The following ARHGAP15 variants were observed in gnomAD, a reference collection of about 807,000 sequenced individuals.
ARHGAP15 encodes the protein Rho GTPase activating protein 15, also known as rho GTPase-activating protein 15.
A neutral mutation model predicts 63.7 loss-of-function variants in ARHGAP15; 51 were observed. The ratio of observed to expected loss-of-function variants is 0.80; its 90% confidence interval spans 0.64 to 1.01. The LOEUF is 1.01. Among genes scored for constraint, ARHGAP15 ranks in the 50% least tolerant of loss-of-function variants. The pLI is 0.00. For synonymous variants in ARHGAP15, 191 were observed against 193.8 expected (o/e 0.99, Z 0.12); for missense variants, 560 against 564.6 (o/e 0.99, Z 0.08).
At chr2:143,626,540 A>C (rs1376266369) in intron 12 of ARHGAP15, among the ~76,000 whole-genome samples, 1 of 152,142 alleles carries the variant, frequency 6.6e-6, no homozygotes, top group Non-Finnish European at 1.5e-5. Context: ...AAGCTTCCAC[A>C]GCATGGAAGG....
chr2:143,756,972 CT>C (rs1419170637), intron 13 of ARHGAP15, among the ~76,000 whole-genome samples: 1 of 151,898 alleles, frequency 6.6e-6, no homozygotes, highest in Admixed American at 6.5e-5. Context: ...ATCTTAGCTA[CT>C]TGCAGAAAAT....
At chr2:143,395,582 C>T (rs1348524534) in intron 6 of ARHGAP15, among the ~76,000 whole-genome samples, 1 of 152,054 alleles carries the variant, frequency 6.6e-6, no homozygotes, top group Non-Finnish European at 1.5e-5. Context: ...AGGCTGTCTC[C>T]AGCAGTATCT....
At chr2:143,293,170 G>T (rs1335856487) in intron 6 of ARHGAP15, among the ~76,000 whole-genome samples, 1 of 151,896 alleles carries the variant, frequency 6.6e-6, no homozygotes, top group African/African-American at 2.4e-5. Context: ...CACCCTCTTG[G>T]ACACTTTATT....
chr2:143,481,302 A>G (rs549035332), intron 8 of ARHGAP15, among the ~76,000 whole-genome samples: 4 of 152,238 alleles, frequency 2.6e-5, no homozygotes, highest in Non-Finnish European at 4.4e-5. Flanking sequence ...AGTGAGAACA[A>G]GTAGTGTAGA....
At chr2:143,402,336 A>C (rs11898671) in intron 6 of ARHGAP15, among the ~76,000 whole-genome samples, 37,266 of 151,724 alleles carry the variant, frequency 0.25, 5,619 homozygotes, top group African/African-American at 0.39. Context: ...GATTAAAGAG[A>C]GAATGAGAGG....
chr2:143,479,219 T>G (rs567949368), intron 8 of ARHGAP15, among the ~76,000 whole-genome samples: 82 of 152,340 alleles, frequency 5.4e-4, no homozygotes, highest in African/African-American at 1.7e-3. Flanking sequence ...TTCTTATATA[T>G]GCATGTGTTT....
chr2:143,641,341 C>T (rs1680591169), intron 12 of ARHGAP15: 1 of 151,782 alleles, frequency 6.6e-6, no homozygotes, highest in East Asian at 1.9e-4. Context: ...AAGATAACTA[C>T]ACAAATAGCA....
intron 8 of ARHGAP15, 190 bp downstream of exon 8, chr2:143,437,232 CT>C: frequency 1.8e-6 from 1 of 562,848 alleles, no homozygotes; most frequent in Non-Finnish European, 3.1e-6. Flanking sequence ...TTGGTAATGC[CT>C]TTTGAGAAAA....
intron 6 of ARHGAP15, among the ~76,000 whole-genome samples, chr2:143,319,405 AGAGAT>A (rs747144540): frequency 7.9e-5 from 12 of 151,822 alleles, no homozygotes; most frequent in Non-Finnish European, 1.5e-4. Flanking sequence ...TATTTTTGAT[AGAGAT>A]GAGGTTTCAC....
chr2:143,376,716 A>G (rs1458823880), intron 6 of ARHGAP15, among the ~76,000 whole-genome samples: 3 of 151,992 alleles, frequency 2.0e-5, no homozygotes, highest in African/African-American at 4.8e-5. Flanking sequence ...ATTTAAATTC[A>G]TACTTTAATT....
At chr2:143,252,948 C>T (rs1325934937) in intron 6 of ARHGAP15, among the ~76,000 whole-genome samples, 3 of 151,912 alleles carry the variant, frequency 2.0e-5, no homozygotes, top group Non-Finnish European at 2.9e-5. Context: ...CATTGTTGGA[C>T]GTTGGAGTGT....
intron 8 of ARHGAP15, among the ~76,000 whole-genome samples, chr2:143,481,160 A>G (rs1046704181): frequency 6.6e-6 from 1 of 151,912 alleles, no homozygotes; most frequent in East Asian, 1.9e-4. Flanking sequence ...AGATGATGGC[A>G]CTAAAGCTAC....
chr2:143,279,898 T>C (rs984103111), intron 6 of ARHGAP15, among the ~76,000 whole-genome samples: 1 of 152,142 alleles, frequency 6.6e-6, no homozygotes, highest in Non-Finnish European at 1.5e-5. Context: ...CAGATAGAGA[T>C]GGGCTTATTT....
intron 6 of ARHGAP15, among the ~76,000 whole-genome samples, chr2:143,411,821 G>C (rs1396774735): frequency 1.3e-5 from 2 of 152,168 alleles, no homozygotes; most frequent in African/African-American, 4.8e-5. Flanking sequence ...GAAAGTAATA[G>C]CAAGTAGTGA....
intron 6 of ARHGAP15, among the ~76,000 whole-genome samples, chr2:143,310,149 G>A (rs1012390012): frequency 6.6e-6 from 1 of 152,012 alleles, no homozygotes; most frequent in Middle Eastern, 3.4e-3. Flanking sequence ...ATAAAATCAC[G>A]CAAACATAAG....
intron 2 of ARHGAP15, among the ~76,000 whole-genome samples, chr2:143,196,894 A>G (rs1227937395): frequency 6.6e-6 from 1 of 151,930 alleles, no homozygotes; most frequent in Non-Finnish European, 1.5e-5. Context: ...TGTTTTTAAG[A>G]GAAAATAATT....
At chr2:143,339,160 T>C (rs1234967493) in intron 6 of ARHGAP15, among the ~76,000 whole-genome samples, 1 of 152,130 alleles carries the variant, frequency 6.6e-6, no homozygotes, top group Non-Finnish European at 1.5e-5. Flanking sequence ...GGAAAGGGCC[T>C]GTTGTTTTTG....
intron 11 of ARHGAP15, among the ~76,000 whole-genome samples, chr2:143,559,629 G>T (rs1003279387): frequency 6.6e-6 from 1 of 152,140 alleles, no homozygotes; most frequent in South Asian, 2.1e-4. Context: ...TTCTGGACTG[G>T]CCCCACAACC....
intron 6 of ARHGAP15, among the ~76,000 whole-genome samples, chr2:143,401,805 T>G (rs886503451): frequency 6.6e-6 from 1 of 152,022 alleles, no homozygotes; most frequent in Non-Finnish European, 1.5e-5. Flanking sequence ...CGGTGGTGTG[T>G]GTCATGCAAG....
Sources: allele counts gnomAD v4.1 joint callset (sites outside exome capture counted in the v4.1 genomes callset), GRCh38; gene constraint gnomAD v4.1.1; transcripts MANE v1.5; gene names NCBI Gene and HGNC (gene_info 2026-07-23, HGNC 2026-07-21).